The following SOX5 variants were observed in gnomAD, a reference collection of about 807,000 sequenced individuals.
SOX5 encodes the protein transcription factor SOX-5.
In SOX5, 9 loss-of-function variants were observed where a neutral mutation model predicts 92.0. The ratio of observed to expected loss-of-function variants is 0.10; its 90% confidence interval spans 0.06 to 0.17. The LOEUF is 0.17. Ranked by LOEUF, SOX5 falls within the 10% of genes least tolerant of loss-of-function variation. The pLI is 1.00. For synonymous variants in SOX5, 344 were observed against 336.3 expected (o/e 1.02, Z -0.25); for missense variants, 642 against 944.5 (o/e 0.68, Z 4.20).
chr12:24,319,758 G>C (rs111306337), intron 2 of SOX5, among the ~76,000 whole-genome samples: 1 of 152,114 alleles, frequency 6.6e-6, no homozygotes, highest in African/African-American at 2.4e-5. Flanking sequence ...GGAGAAGCTA[G>C]TTAGAGTCCC....
chr12:23,871,324 A>G (rs1418378689), intron 2 of SOX5, among the ~76,000 whole-genome samples: 3 of 152,166 alleles, frequency 2.0e-5, no homozygotes, highest in African/African-American at 4.8e-5. Flanking sequence ...AAATAACTTT[A>G]TCTTTGTTTT....
intron 1 of SOX5, among the ~76,000 whole-genome samples, chr12:24,440,986 T>C (rs1268729240): frequency 6.6e-6 from 1 of 152,230 alleles, no homozygotes; most frequent in Admixed American, 6.5e-5. Flanking sequence ...TCAGGGTTCA[T>C]GCATTCTCCT....
intron 5 of SOX5, among the ~76,000 whole-genome samples, chr12:23,739,305 C>T (rs1177482045): frequency 6.6e-6 from 1 of 152,080 alleles, no homozygotes; most frequent in Non-Finnish European, 1.5e-5. Flanking sequence ...TATTTACTAC[C>T]AATTTTTTTT....
intron 1 of SOX5, among the ~76,000 whole-genome samples, chr12:23,931,634 AT>A (rs1345397688): frequency 4.6e-5 from 7 of 151,694 alleles, no homozygotes; most frequent in South Asian, 2.1e-4. Context: ...CTTGCTTCTA[AT>A]TTTTTTCAAA....
intron 3 of SOX5, among the ~76,000 whole-genome samples, chr12:23,812,756 A>G (rs1296348104): frequency 7.9e-5 from 12 of 152,206 alleles, no homozygotes; most frequent in Non-Finnish European, 4.4e-5. Context: ...TGACTGATGA[A>G]GAGCTTTGCC....
At chr12:24,525,596 G>A (rs1224545010) in intron 1 of SOX5, among the ~76,000 whole-genome samples, 1 of 152,076 alleles carries the variant, frequency 6.6e-6, no homozygotes, top group Non-Finnish European at 1.5e-5. Context: ...GCCAGGCCGG[G>A]CGTGGTGGCT....
chr12:23,899,189 C>G (rs2097207086), intron 1 of SOX5, among the ~76,000 whole-genome samples: 1 of 151,974 alleles, frequency 6.6e-6, no homozygotes, highest in African/African-American at 2.4e-5. Flanking sequence ...GCGGGCAGAT[C>G]ACATGAGTTC....
At chr12:24,344,501 C>A (rs775286357) in intron 2 of SOX5, among the ~76,000 whole-genome samples, 1 of 152,116 alleles carries the variant, frequency 6.6e-6, no homozygotes, top group Non-Finnish European at 1.5e-5. Context: ...ACATGGATCA[C>A]AGCTGTGCCA....
rs60114606 is a variant in SOX5 at position 24,200,468 on chromosome 12, C to G, written c.-2+12875G>C. 4.3e-3 allele frequency among the ~76,000 whole-genome samples: 646 copies of G among 151,908 alleles called. 8 individuals are homozygous for G. Among genetic ancestry groups the G allele is most frequent in the African/African-American group, 0.014 (589 of 41,434 alleles). On this transcript the variant is annotated intron_variant, in intron 4 of 4. Transcript: ENST00000446891. Reference sequence around the variant, plus strand: ...GCATATACATGAATGATAAGGAACTCTGATTGTAATAGTAAAGTGTTACTT... The same window carrying G: ...GCATATACATGAATGATAAGGAACTGTGATTGTAATAGTAAAGTGTTACTT...
At chr12:23,960,882 C>G (rs528560733) in intron 4 of SOX5, among the ~76,000 whole-genome samples, 2 of 151,964 alleles carry the variant, frequency 1.3e-5, no homozygotes, top group African/African-American at 4.8e-5. Flanking sequence ...GGGAACTGGA[C>G]AGATAGGGGA....
At chr12:24,419,003 A>C (rs1164637637) in intron 1 of SOX5, among the ~76,000 whole-genome samples, 1 of 152,182 alleles carries the variant, frequency 6.6e-6, no homozygotes, top group African/African-American at 2.4e-5. Flanking sequence ...CTGTCAAAAG[A>C]GGATCCTCCA....
chr12:24,401,920 T>C (rs1406421543), intron 1 of SOX5, among the ~76,000 whole-genome samples: 1 of 152,110 alleles, frequency 6.6e-6, no homozygotes, highest in African/African-American at 2.4e-5. Flanking sequence ...GATCTATGCA[T>C]GTATGTATGT....
At chr12:23,983,714 T>C (rs769939454) in intron 4 of SOX5, among the ~76,000 whole-genome samples, 8 of 152,182 alleles carry the variant, frequency 5.3e-5, no homozygotes, top group African/African-American at 1.2e-4. Flanking sequence ...TGAAATGTTA[T>C]TGCAGAAAGG....
chr12:24,443,223 G>T (rs978959534), intron 1 of SOX5, among the ~76,000 whole-genome samples: 1 of 152,102 alleles, frequency 6.6e-6, no homozygotes, highest in Non-Finnish European at 1.5e-5. Flanking sequence ...AAAGTGCTAG[G>T]ATCACAGGCG....
chr12:23,932,989 A>G (rs1027427942), intron 1 of SOX5, among the ~76,000 whole-genome samples: 4 of 151,486 alleles, frequency 2.6e-5, no homozygotes, highest in African/African-American at 7.3e-5. Context: ...CTTATTCCCT[A>G]CTCTTCCCTA....
At chr12:24,009,882 A>G (rs2136505769) in intron 4 of SOX5, among the ~76,000 whole-genome samples, 1 of 152,298 alleles carries the variant, frequency 6.6e-6, no homozygotes, top group East Asian at 1.9e-4. Context: ...ACTAAGATAC[A>G]AATTTTGAAA....
intron 1 of SOX5, among the ~76,000 whole-genome samples, chr12:24,399,998 A>G (rs750794931): frequency 3.9e-5 from 6 of 152,226 alleles, no homozygotes; most frequent in Non-Finnish European, 8.8e-5. Flanking sequence ...TACTTTAATT[A>G]TCTTTGATTA....
chr12:23,535,438 C>T (rs1940153538), intron 14 of SOX5, among the ~76,000 whole-genome samples: 1 of 152,192 alleles, frequency 6.6e-6, no homozygotes, highest in Non-Finnish European at 1.5e-5. Flanking sequence ...TGTGCTGCCA[C>T]AGACTTGAAA....
chr12:23,904,103 T>TAAAA (rs2097265796), intron 1 of SOX5, among the ~76,000 whole-genome samples: 1 of 152,204 alleles, frequency 6.6e-6, no homozygotes, highest in Admixed American at 6.6e-5. Flanking sequence ...TCTTTATTTT[T>TAAAA]CTAAGTTGAG....
Sources: gnomAD v4.1 joint callset for allele counts (sites outside exome capture counted in the v4.1 genomes callset) on GRCh38, gnomAD v4.1.1 for gene constraint, MANE v1.5 for transcripts, NCBI Gene and HGNC (gene_info 2026-07-23, HGNC 2026-07-21) for gene names.